Variants in PTPRZ1 observed in about 807,000 individuals in gnomAD.
The protein encoded by PTPRZ1 is receptor-type tyrosine-protein phosphatase zeta.
A neutral mutation model predicts 214.1 loss-of-function variants in PTPRZ1; 82 were observed. The ratio of observed to expected loss-of-function variants is 0.38; its 90% CI spans 0.32 to 0.46. The LOEUF is 0.46. Among genes scored for constraint, PTPRZ1 ranks in the 20% least tolerant of loss-of-function variants. PTPRZ1 has a pLI of 1.00. For synonymous variants in PTPRZ1, 945 were observed against 987.9 expected, an observed-to-expected ratio of 0.96 and a Z score of 0.81; for missense variants, 2,603 against 2,748.7, an observed-to-expected ratio of 0.95 and a Z score of 1.19.
At chr7:122,041,418 A>C (rs1039458659) in intron 21 of PTPRZ1, among the ~76,000 whole-genome samples, 2 of 150,638 alleles carry the variant, frequency 1.3e-5, no homozygotes, top group Non-Finnish European at 3.0e-5. Context: ...GATTGTGAGA[A>C]ATTTGGCAAA....
chr7:121,933,878 CATATT>C (rs1795997891), intron 2 of PTPRZ1, among the ~76,000 whole-genome samples: 1 of 152,128 alleles, frequency 6.6e-6, no homozygotes, highest in Admixed American at 6.5e-5. Flanking sequence ...ATCCTTTTAA[CATATT>C]ATATTTTCCT....
chr7:121,974,209 T>C (rs1797358657), intron 4 of PTPRZ1, among the ~76,000 whole-genome samples: 1 of 152,190 alleles, frequency 6.6e-6, no homozygotes, highest in African/African-American at 2.4e-5. Flanking sequence ...ACTATGGATT[T>C]TTTCTTTATT....
chr7:121,955,748 T>C (rs1796686654), intron 2 of PTPRZ1, among the ~76,000 whole-genome samples: 1 of 152,222 alleles, frequency 6.6e-6, no homozygotes, highest in Admixed American at 6.5e-5. Context: ...CAGTGTCACC[T>C]TATTTCTGAG....
At chr7:121,944,101 T>C (rs896614829) in intron 2 of PTPRZ1, among the ~76,000 whole-genome samples, 2 of 152,194 alleles carry the variant, frequency 1.3e-5, no homozygotes, top group Admixed American at 6.5e-5. Flanking sequence ...TTAATGCAAC[T>C]TGCATTAATT....
chr7:122,046,034 C>T (rs1466665592), intron 23 of PTPRZ1, among the ~76,000 whole-genome samples: 1 of 152,114 alleles, frequency 6.6e-6, no homozygotes, highest in Non-Finnish European at 1.5e-5. Context: ...AGATGCCAGG[C>T]TTTTGTGTTA....
chr7:121,965,061 A>G (rs1012525498), intron 2 of PTPRZ1, among the ~76,000 whole-genome samples: 1 of 152,232 alleles, frequency 6.6e-6, no homozygotes, highest in Non-Finnish European at 1.5e-5. Flanking sequence ...TCTGGCATAT[A>G]TTTTTAAAGT....
intron 1 of PTPRZ1, among the ~76,000 whole-genome samples, chr7:121,885,032 G>A (rs780364267): frequency 1.3e-5 from 2 of 151,994 alleles, no homozygotes; most frequent in African/African-American, 4.8e-5. Flanking sequence ...CTCACTTTAG[G>A]TTATTTGGTT....
rs1187382675 is a variant in PTPRZ1, at chr7:122,057,968, GTATA to G, written c.6529-825_6529-822del. Among the ~76,000 whole-genome samples, 184 of 35,166 alleles carry G rather than the reference GTATA, an allele frequency of 5.2e-3. 1 individual carries two copies. Among genetic ancestry groups the G allele is most frequent in the African/African-American group, 0.012 (85 of 6,894 alleles). 23.1% of individuals were successfully genotyped at this position (35,166 alleles called of 152,430 possible). ...ATATAGTGTGTGTGTGTGTGTGTGT[GTATA>G]TATATACATATATATATACATATAT... On this transcript the variant is annotated intron_variant, in intron 27 of 29. Transcript: ENST00000393386.
intron 13 of PTPRZ1, among the ~76,000 whole-genome samples, chr7:122,024,242 G>GT (rs533142090): frequency 3.9e-3 from 551 of 141,878 alleles, no homozygotes; most frequent in Middle Eastern, 0.029. Context: ...ATTTTCAAAA[G>GT]TTTTTTTTTT....
Position 122,012,578 on chromosome 7 carries a change from A to G in PTPRZ1, c.3532A>G (p.Thr1178Ala), listed in dbSNP as rs756482081. The G allele has an allele frequency of 2.2e-5, 36 of 1,613,196 alleles. No homozygotes were observed. In the Middle Eastern group the frequency reaches 6.6e-4, roughly 30 times the overall value. ...TTATGAGACCTCAGCTTCTTTTAGT[A>G]CTGAAGTATTGCTACAACCTTCCTT... ...LFYETSASFS[T>A]EVLLQPSFQA... The change falls in exon 12 of 30, where the codon ACT becomes GCT. Residue 1178 changes from threonine to alanine, a missense_variant. Physicochemically the swap from Thr to Ala is moderately conservative, Grantham distance 58 (BLOSUM62 0). Transcript: ENST00000393386.
intron 1 of PTPRZ1, among the ~76,000 whole-genome samples, chr7:121,891,451 CTTTTTTTTTTTTTTTTT>C (rs58135453): frequency 2.8e-5 from 1 of 35,744 alleles, no homozygotes; most frequent in South Asian, 1.6e-3. Context: ...AAAACAACCT[CTTTTTTTTTTTTTTTTT>C]TTTTTTTTTT....
chr7:121,996,242 CA>C, intron 8 of PTPRZ1, 139 bp from the exon 9 acceptor site: 1 of 584,490 alleles, frequency 1.7e-6, no homozygotes, highest in Non-Finnish European at 2.8e-6. Flanking sequence ...ATGGAATAAG[CA>C]AAAGCTCCAC....
intron 11 of PTPRZ1, among the ~76,000 whole-genome samples, chr7:122,006,860 G>A (rs1798503584): frequency 6.6e-6 from 1 of 152,018 alleles, no homozygotes; most frequent in African/African-American, 2.4e-5. Flanking sequence ...AACAAGGGGT[G>A]GCATTGTACA....
At chr7:121,967,516 A>G (rs1388753839) in intron 2 of PTPRZ1, among the ~76,000 whole-genome samples, 1 of 152,214 alleles carries the variant, frequency 6.6e-6, no homozygotes, top group Non-Finnish European at 1.5e-5. Flanking sequence ...GCTAGGACTA[A>G]CTACCTTACA....
At chr7:121,992,248 A>G (rs1377820825) in intron 8 of PTPRZ1, among the ~76,000 whole-genome samples, 2 of 152,226 alleles carry the variant, frequency 1.3e-5, no homozygotes, top group African/African-American at 4.8e-5. Context: ...GCTTCTTCCA[A>G]GGCAGGCTAG....
chr7:121,878,542 A>G (rs1425732721), intron 1 of PTPRZ1, among the ~76,000 whole-genome samples: 1 of 152,176 alleles, frequency 6.6e-6, no homozygotes, highest in Non-Finnish European at 1.5e-5. Flanking sequence ...GTAATAGGTG[A>G]AAAGAGTTCA....
intron 2 of PTPRZ1, among the ~76,000 whole-genome samples, chr7:121,952,511 A>G (rs759959459): frequency 2.0e-5 from 3 of 152,152 alleles, no homozygotes; most frequent in Admixed American, 6.5e-5. Flanking sequence ...ACTTGAGCCC[A>G]GGAGTTCAAG....
chr7:122,031,515 G>T lies in PTPRZ1; in HGVS notation c.5122G>T (p.Val1708Phe). 1 of 1,611,346 alleles carries T rather than the reference G, an allele frequency of 6.2e-7. No homozygotes were observed. Among genetic ancestry groups the T allele is most frequent in the Non-Finnish European group, 8.5e-7 (1 of 1,178,430 alleles). Residue 1708 changes from valine to phenylalanine, a missense_variant, in exon 15 of 30, where the codon GTT becomes TTT. This residue lies in a region of PTPRZ1 where 1,913 missense variants were observed against 1,914.3 expected (regional missense o/e 1.00). Coordinates refer to ENST00000393386, the MANE Select transcript of PTPRZ1 (RefSeq NM_002851.3). Reference protein sequence around the residue: ...AIPIKHFPKHVADLHASSGFT... With the variant: ...AIPIKHFPKHFADLHASSGFT... Reference sequence around the variant, plus strand: ...TCCAATAAAGCACTTTCCAAAGCATGTTGCAGATTTACATGCAAGTAGTGG... The same window carrying T: ...TCCAATAAAGCACTTTCCAAAGCATTTTGCAGATTTACATGCAAGTAGTGG...
At chr7:121,935,828 C>T (rs1040135758) in intron 2 of PTPRZ1, among the ~76,000 whole-genome samples, 1 of 152,068 alleles carries the variant, frequency 6.6e-6, no homozygotes, top group African/African-American at 2.4e-5. Context: ...TCAGCCTCCC[C>T]AAGTGCTGGG....
Sources: gnomAD v4.1 joint callset for allele counts (sites outside exome capture counted in the v4.1 genomes callset) on GRCh38, gnomAD v4.1.1 for gene constraint, gnomAD v4.1.1 regional missense constraint, MANE v1.5 for transcripts, NCBI Gene and HGNC (gene_info 2026-07-23, HGNC 2026-07-21) for gene names.